PCNX2: variants seen among roughly 807,000 people sequenced by gnomAD.
The protein encoded by PCNX2 is pecanex 2.
PCNX2 carries 168 observed loss-of-function variants against 223.8 expected under a neutral mutation model. That is an observed-to-expected ratio of 0.75 (90% confidence interval 0.66 to 0.85). The LOEUF (loss-of-function observed/expected upper bound fraction) is 0.85. Among genes scored for constraint, PCNX2 ranks in the 40% least tolerant of loss-of-function variants. The pLI, the probability that PCNX2 is intolerant of heterozygous loss-of-function variation, is 0.00. For missense variants in PCNX2, 2,507 were observed against 2,675.5 expected, an observed-to-expected ratio of 0.94 and a Z score of 1.39; for synonymous variants, 1,006 against 1,052.6, an observed-to-expected ratio of 0.96 and a Z score of 0.86.
intron 25 of PCNX2, among the ~76,000 whole-genome samples, chr1:233,040,777 T>G (rs963445931): frequency 1.3e-5 from 2 of 152,156 alleles, no homozygotes; most frequent in Admixed American, 1.3e-4. Flanking sequence ...TCTCTACCCC[T>G]GCAATGATCT....
chr1:233,012,427 C>T (rs1670500991), intron 28 of PCNX2, among the ~76,000 whole-genome samples: 1 of 151,852 alleles, frequency 6.6e-6, no homozygotes, highest in South Asian at 2.1e-4. Context: ...AAGAAGTTGT[C>T]TTTTGTAAGT....
chr1:233,295,102 C>G lies in PCNX2; in HGVS notation c.153+224G>C, dbSNP rs1661999108. Among the ~76,000 whole-genome samples the G allele has an allele frequency of 6.6e-6, 1 of 152,136 alleles. No homozygotes were observed. Among genetic ancestry groups the G allele is most frequent in the African/African-American group, 2.4e-5 (1 of 41,420 alleles). ...TCCGGCATCAATTCTTAATGAGTCC[C>G]CGAGCCCCCGCAGTCCTGTCTACTT... is the stretch of plus-strand genomic sequence containing the variant. On this transcript the variant is annotated intron_variant, in intron 1 of 33. Coordinates refer to ENST00000258229, the MANE Select transcript of PCNX2 (RefSeq NM_014801.4). This position sits in a 1 kb window ranked among gnomAD's most constrained non-coding sequence, Gnocchi z 4.1.
At chr1:233,107,437 A>G (rs1042876972) in intron 21 of PCNX2, among the ~76,000 whole-genome samples, 6 of 152,108 alleles carry the variant, frequency 3.9e-5, no homozygotes, top group African/African-American at 1.4e-4. Context: ...TGCTAACATT[A>G]TTTATCCTGG....
intron 25 of PCNX2, among the ~76,000 whole-genome samples, chr1:233,030,902 C>A (rs6656972): frequency 2.0e-5 from 3 of 152,102 alleles, no homozygotes; most frequent in Non-Finnish European, 2.9e-5. Flanking sequence ...TCTGCAGCTC[C>A]TCTTTGCAAT....
intron 21 of PCNX2, among the ~76,000 whole-genome samples, chr1:233,123,966 T>G (rs1675953081): frequency 6.6e-6 from 1 of 152,234 alleles, no homozygotes; most frequent in African/African-American, 2.4e-5. Flanking sequence ...TTTAAGTTAT[T>G]ATAATAAAGA....
chr1:233,060,125 T>C (rs1244655373), intron 23 of PCNX2, among the ~76,000 whole-genome samples: 2 of 152,216 alleles, frequency 1.3e-5, no homozygotes, highest in Non-Finnish European at 2.9e-5. Context: ...AGTATGCTGT[T>C]CTATTACAGC....
chr1:233,063,730 T>A (rs1160675012), intron 23 of PCNX2, among the ~76,000 whole-genome samples: 1 of 152,200 alleles, frequency 6.6e-6, no homozygotes, highest in African/African-American at 2.4e-5. Flanking sequence ...TTCTCCCTAT[T>A]TGTTTTATGC....
chr1:233,227,250 A>G lies in PCNX2; in HGVS notation c.2480T>C (p.Leu827Pro). 1 of 1,612,934 alleles carries G rather than the reference A, an allele frequency of 6.2e-7. No homozygotes were observed. The highest frequency in any genetic ancestry group is 8.5e-7 in the Non-Finnish European group (1 of 1,179,384). ...GKWIKVWYDR[L>P]TLLALLDRTE... is the part of the protein sequence containing the mutation. ...CCGATCAAGTAATGCCAGCAAGGTC[A>G]GTCGATCATACCAGACTTTAATCCA... Residue 827 changes from leucine to proline, a missense_variant, in exon 10 of 34, where the codon CTG becomes CCG. Around this residue, in one of 3 missense-constraint regions of PCNX2, gnomAD observed 1,031 missense variants for 1,021.7 expected, o/e 1.01. Transcript: ENST00000258229.
intron 9 of PCNX2, among the ~76,000 whole-genome samples, chr1:233,234,797 C>T (rs1004014398): frequency 2.2e-4 from 33 of 152,218 alleles, no homozygotes; most frequent in East Asian, 3.9e-4. Flanking sequence ...TTAGCACTTC[C>T]GGGCTTATCT....
intron 19 of PCNX2, 167 bp downstream of exon 19, chr1:233,160,116 C>T (rs1678375468): frequency 1.4e-6 from 1 of 711,492 alleles, no homozygotes; most frequent in South Asian, 2.4e-5. Flanking sequence ...ACACGTTCTC[C>T]TTTTTTCTTT....
chr1:233,309,707 G>A, the PCNX2 span, among the ~76,000 whole-genome samples: 2 of 151,716 alleles, frequency 1.3e-5, no homozygotes, highest in African/African-American at 2.4e-5. Context: ...ATGAAACCCC[G>A]TTTCTACTAA....
intron 25 of PCNX2, among the ~76,000 whole-genome samples, chr1:233,044,707 C>T (rs1035320886): frequency 1.2e-4 from 18 of 151,018 alleles, no homozygotes; most frequent in Middle Eastern, 3.2e-3. Flanking sequence ...TCACTCTTGT[C>T]GCCCAGGCTG....
the PCNX2 span, among the ~76,000 whole-genome samples, chr1:233,323,965 T>C: frequency 6.6e-6 from 1 of 152,172 alleles, no homozygotes; most frequent in African/African-American, 2.4e-5. Context: ...CAAAAGTTCT[T>C]GAAGGAAATT....
chr1:233,166,402 C>T (rs1283641659), intron 17 of PCNX2, among the ~76,000 whole-genome samples: 1 of 151,840 alleles, frequency 6.6e-6, no homozygotes, highest in South Asian at 2.1e-4. Context: ...ATAAATTGGA[C>T]ATCACAAAAA....
intron 21 of PCNX2, among the ~76,000 whole-genome samples, chr1:233,104,715 A>G (rs1348861542): frequency 6.6e-6 from 1 of 152,268 alleles, no homozygotes; most frequent in East Asian, 1.9e-4. Flanking sequence ...GAGAAAGAAT[A>G]TAATTTTCAA....
chr1:233,203,357 C>T (rs935797584), intron 13 of PCNX2, among the ~76,000 whole-genome samples: 1 of 152,182 alleles, frequency 6.6e-6, no homozygotes, highest in Non-Finnish European at 1.5e-5. Flanking sequence ...CCAGAGGTCA[C>T]CAGTCTCAGA....
intron 8 of PCNX2, among the ~76,000 whole-genome samples, chr1:233,244,394 T>C (rs1376933200): frequency 6.6e-6 from 1 of 152,128 alleles, no homozygotes; most frequent in Non-Finnish European, 1.5e-5. Context: ...ACAGGGAAAA[T>C]TGTTTCCTTA....
chr1:233,044,863 T>C (rs932248487), intron 25 of PCNX2, among the ~76,000 whole-genome samples: 1 of 152,058 alleles, frequency 6.6e-6, no homozygotes, highest in African/African-American at 2.4e-5. Context: ...GAGATGGGGT[T>C]TCACCATGTT....
chr1:233,192,388 C>A (rs561528853), intron 15 of PCNX2, among the ~76,000 whole-genome samples: 2 of 152,270 alleles, frequency 1.3e-5, no homozygotes, highest in African/African-American at 4.8e-5. Context: ...CATATTTTTA[C>A]ACTGACTGTC....
Sources: allele counts gnomAD v4.1 joint callset (sites outside exome capture counted in the v4.1 genomes callset), GRCh38; gene constraint gnomAD v4.1.1; regional missense constraint gnomAD v4.1.1; non-coding constraint Gnocchi (gnomAD v3.1); transcripts MANE v1.5; gene names NCBI Gene and HGNC (gene_info 2026-07-23, HGNC 2026-07-21).